PRR5L: variants seen among roughly 807,000 people sequenced by gnomAD.
PRR5L encodes proline-rich protein 5-like.
PRR5L carries 21 observed loss-of-function variants against 36.4 expected under a neutral mutation model. That is an observed-to-expected ratio of 0.58 (90% confidence interval 0.41 to 0.83). The LOEUF is 0.83. PRR5L is among the 40% of genes least tolerant of loss of function. PRR5L has a pLI of 0.00. For missense variants in PRR5L, 381 were observed against 473.3 expected, an observed-to-expected ratio of 0.80 and a Z score of 1.81; for synonymous variants, 188 against 197.0, an observed-to-expected ratio of 0.95 and a Z score of 0.38.
intron 2 of PRR5L, among the ~76,000 whole-genome samples, chr11:36,402,875 C>T (rs368700048): frequency 7.9e-5 from 12 of 152,314 alleles, no homozygotes; most frequent in East Asian, 7.7e-4. Context: ...AAGGACTTAC[C>T]GGTTCATGTT....
chr11:36,430,243 C>A (rs779995530), intron 4 of PRR5L, among the ~76,000 whole-genome samples: 1 of 152,044 alleles, frequency 6.6e-6, no homozygotes, highest in South Asian at 2.1e-4. Context: ...AACCCCGTCT[C>A]TACCAAAAAA....
At chr11:36,355,664 C>T (rs1376327594) in intron 1 of PRR5L, among the ~76,000 whole-genome samples, 2 of 151,902 alleles carry the variant, frequency 1.3e-5, no homozygotes, top group African/African-American at 4.8e-5. Context: ...ATTCTCCAGC[C>T]TCAGCCTCCC....
intron 1 of PRR5L, among the ~76,000 whole-genome samples, chr11:36,323,741 A>T (rs1856635008): frequency 6.6e-6 from 1 of 152,222 alleles, no homozygotes; most frequent in South Asian, 2.1e-4. Flanking sequence ...ACTAAAAATT[A>T]TTTGAAGGTT....
chr11:36,416,078 A>G (rs1858136329), intron 3 of PRR5L, among the ~76,000 whole-genome samples: 1 of 152,246 alleles, frequency 6.6e-6, no homozygotes, highest in African/African-American at 2.4e-5. Context: ...CCTTTTTAAA[A>G]TAGTTGCATA....
intron 4 of PRR5L, among the ~76,000 whole-genome samples, chr11:36,420,834 A>AAC (rs58639707): frequency 0.07 from 9,778 of 139,230 alleles, 484 homozygotes; most frequent in East Asian, 0.16. Flanking sequence ...CAGTTGTTTA[A>AAC]ACACACACAC....
At chr11:36,353,608 G>A (rs954697606) in intron 1 of PRR5L, among the ~76,000 whole-genome samples, 1 of 152,154 alleles carries the variant, frequency 6.6e-6, no homozygotes, top group Non-Finnish European at 1.5e-5. Context: ...GGAGGGTTAG[G>A]AAGAGATGGT....
Position 36,313,104 on chromosome 11 carries a change from G to A in PRR5L, c.-126+16666G>A, listed in dbSNP as rs186244980. ...TCCCTGTGTAGTTGCAAAGCAAATG[G>A]CTTAATGCCATTGTAAAAACAACTC... On this transcript the variant is annotated intron_variant, in intron 1 of 8. Transcript: ENST00000530639. 1.9e-3 allele frequency among the ~76,000 whole-genome samples: 289 copies of A among 152,290 alleles called. 1 individual carries two copies. The highest frequency in any genetic ancestry group is 3.3e-3 in the Non-Finnish European group (222 of 68,014).
intron 4 of PRR5L, among the ~76,000 whole-genome samples, chr11:36,419,845 CAA>C (rs927819594): frequency 4.6e-5 from 7 of 152,158 alleles, no homozygotes; most frequent in African/African-American, 1.7e-4. Flanking sequence ...GGGAAAAAAA[CAA>C]ATAGCTTAGT....
chr11:36,382,454 C>G (rs1429295100), intron 1 of PRR5L, among the ~76,000 whole-genome samples: 9 of 152,224 alleles, frequency 5.9e-5, no homozygotes, highest in African/African-American at 1.9e-4. Flanking sequence ...TAGAGCTGTG[C>G]TTCTGAAAGC....
At chr11:36,413,924 C>CA (rs981174658) in intron 3 of PRR5L, among the ~76,000 whole-genome samples, 35 of 137,950 alleles carry the variant, frequency 2.5e-4, no homozygotes, top group Non-Finnish European at 7.6e-5. Context: ...CATGTGTTCT[C>CA]ATTGTTCAAT....
rs1237543222 is a variant in PRR5L, at chr11:36,403,444, C to T, written c.245+66C>T. On this transcript the variant is annotated intron_variant, in intron 3 of 8. Transcript: ENST00000530639. ...ACCTGAGCAGGGGCATAGGGGCTAC[C>T]GCCTTAGGAGCCTTAAGGGTTTTTT... The T allele has an allele frequency of 4.8e-5, 60 of 1,238,386 alleles. No homozygotes were observed. The East Asian group carries it at 5.8e-4, about 12-fold the overall frequency. 76.7% of individuals were successfully genotyped at this position (1,238,386 alleles called of 1,614,324 possible).
At chr11:36,447,746 C>T (rs978131068) in intron 7 of PRR5L, among the ~76,000 whole-genome samples, 8 of 152,260 alleles carry the variant, frequency 5.3e-5, no homozygotes, top group Non-Finnish European at 1.0e-4. Flanking sequence ...GGCATTCTCC[C>T]CCTTTCCTGT....
chr11:36,321,042 T>A (rs1404715595), intron 1 of PRR5L: 3 of 151,846 alleles, frequency 2.0e-5, no homozygotes, highest in Middle Eastern at 3.2e-3. Context: ...TGAGTTTTGA[T>A]GTTGTTGTTT....
intron 7 of PRR5L, among the ~76,000 whole-genome samples, chr11:36,447,145 G>C (rs1858847944): frequency 6.6e-6 from 1 of 152,176 alleles, no homozygotes; most frequent in African/African-American, 2.4e-5. Context: ...CTATGTGCCG[G>C]GCACAGGCCA....
chr11:36,388,666 CCTTT>C (rs894355926), intron 1 of PRR5L, among the ~76,000 whole-genome samples: 2 of 149,622 alleles, frequency 1.3e-5, no homozygotes, highest in Admixed American at 1.3e-4. Flanking sequence ...CTGTGTTTAG[CCTTT>C]CTTTCATTCA....
At position 36,457,328 on chromosome 11, in the gene PRR5L, C is replaced by T. The variant is rs73449324; in HGVS notation, c.713-5014C>T. Among the ~76,000 whole-genome samples the T allele has an allele frequency of 7.7e-3, 1,171 of 152,228 alleles. 9 individuals are homozygous for T. The highest frequency in any genetic ancestry group is 0.016 in the African/African-American group (661 of 41,550). On this transcript the variant is annotated intron_variant, in intron 8 of 8. Transcript: ENST00000530639. ...TACTCTTATAAAACATTATCGAGGC[C>T]GGGCACAGTGGCTCATGCCTGTAAT...
At chr11:36,388,964 G>A (rs1366434956) in intron 1 of PRR5L, among the ~76,000 whole-genome samples, 2 of 152,168 alleles carry the variant, frequency 1.3e-5, no homozygotes, top group East Asian at 3.9e-4. Context: ...CTCCCAAAGT[G>A]CTGGGATTAC....
chr11:36,434,533 G>T (rs1225663598), intron 5 of PRR5L, among the ~76,000 whole-genome samples: 1 of 152,074 alleles, frequency 6.6e-6, no homozygotes, highest in East Asian at 1.9e-4. Flanking sequence ...CTGTTTTGTG[G>T]GCAGAAGATG....
chr11:36,395,661 A>G (rs1857643982), intron 1 of PRR5L, among the ~76,000 whole-genome samples: 1 of 152,246 alleles, frequency 6.6e-6, no homozygotes, highest in African/African-American at 2.4e-5. Context: ...AGGGGCACAT[A>G]GAGTTTCCAA....
Sources: gnomAD v4.1 joint callset for allele counts (sites outside exome capture counted in the v4.1 genomes callset) on GRCh38, gnomAD v4.1.1 for gene constraint, MANE v1.5 for transcripts, NCBI Gene and HGNC (gene_info 2026-07-23, HGNC 2026-07-21) for gene names.